GRM8: variants seen among roughly 807,000 people sequenced by gnomAD.
The protein encoded by GRM8 is metabotropic glutamate receptor 8.
GRM8 carries 47 observed loss-of-function variants against 87.2 expected under a neutral mutation model. The observed-to-expected ratio is 0.54, with a 90% CI of 0.43 to 0.69. GRM8 has a LOEUF of 0.69. GRM8 is among the 30% of genes least tolerant of loss of function. The pLI is 0.00. For synonymous variants in GRM8, 396 were observed against 404.5 expected (o/e 0.98, Z 0.25); for missense variants, 1,019 against 1,139.2 (o/e 0.89, Z 1.52).
chr7:126,621,770 T>A (rs1800205080), intron 7 of GRM8, among the ~76,000 whole-genome samples: 1 of 152,028 alleles, frequency 6.6e-6, no homozygotes, highest in Admixed American at 6.6e-5. Flanking sequence ...ACACATACTA[T>A]CATAGTCACT....
chr7:127,018,244 G>C (rs1200486296), intron 3 of GRM8, among the ~76,000 whole-genome samples: 1 of 151,942 alleles, frequency 6.6e-6, no homozygotes, highest in Non-Finnish European at 1.5e-5. Context: ...GAGTGTTAGA[G>C]AAAGTTACAC....
chr7:126,740,740 C>T (rs74827838), intron 7 of GRM8, among the ~76,000 whole-genome samples: 2 of 152,248 alleles, frequency 1.3e-5, no homozygotes, highest in East Asian at 3.9e-4. Flanking sequence ...CCTCTTTCCA[C>T]AGGTGGTTTT....
At chr7:126,739,712 A>C (rs1393317823) in intron 7 of GRM8, among the ~76,000 whole-genome samples, 1 of 136,046 alleles carries the variant, frequency 7.4e-6, no homozygotes, top group Non-Finnish European at 1.7e-5. Context: ...TATAACTCTG[A>C]TTTAACATCA....
rs549007927 is a variant in GRM8, at chr7:127,108,910, C to A, written c.511-2198G>T. 2.0e-5 allele frequency among the ~76,000 whole-genome samples: 3 copies of A among 152,218 alleles called. No homozygotes were observed. In the South Asian group the frequency reaches 6.2e-4, roughly 32 times the overall value. Reference sequence around the variant, plus strand: ...TTTGTATTTTTATTTTTTCACTCTACAATAATACACATCAGGGTATATGAA... The same window carrying A: ...TTTGTATTTTTATTTTTTCACTCTAAAATAATACACATCAGGGTATATGAA... On this transcript the variant is annotated intron_variant, in intron 2 of 10. Transcript: ENST00000339582.
intron 8 of GRM8, among the ~76,000 whole-genome samples, chr7:126,557,205 A>G (rs1793237069): frequency 6.6e-6 from 1 of 152,228 alleles, no homozygotes; most frequent in African/African-American, 2.4e-5. Flanking sequence ...TCAATAGAGT[A>G]TATTTAAGAA....
intron 6 of GRM8, among the ~76,000 whole-genome samples, chr7:126,887,759 C>T (rs1441119064): frequency 2.0e-5 from 3 of 152,122 alleles, no homozygotes; most frequent in Non-Finnish European, 2.9e-5. Context: ...TCCAGGGGAA[C>T]GTGTGAGTCA....
chr7:126,469,080 T>C (rs1804844795), intron 9 of GRM8, among the ~76,000 whole-genome samples: 1 of 152,102 alleles, frequency 6.6e-6, no homozygotes, highest in Admixed American at 6.6e-5. Context: ...CAACACCCAC[T>C]TGTGCATAAG....
intron 2 of GRM8, among the ~76,000 whole-genome samples, chr7:127,204,674 A>G (rs1429470161): frequency 2.0e-5 from 3 of 150,476 alleles, no homozygotes; most frequent in African/African-American, 7.4e-5. Flanking sequence ...TTTTTTTTTT[A>G]TAACATATCA....
chr7:126,580,328 A>G (rs1243868505), intron 8 of GRM8, among the ~76,000 whole-genome samples: 2 of 152,166 alleles, frequency 1.3e-5, no homozygotes, highest in East Asian at 1.9e-4. Flanking sequence ...TGAAAATTCC[A>G]AGACTCCCTC....
intron 6 of GRM8, among the ~76,000 whole-genome samples, chr7:126,900,658 C>T (rs896615076): frequency 3.4e-5 from 2 of 58,416 alleles, no homozygotes; most frequent in African/African-American, 1.0e-4. Context: ...TACAGGCGCC[C>T]GCCACACGCC....
rs1332861271 is a variant in GRM8, at chr7:127,242,873, T to C, written c.332A>G (p.Tyr111Cys). 5.6e-6 allele frequency: 9 copies of C among 1,614,102 alleles called. No individual in the cohort carries two copies. The highest frequency in any genetic ancestry group is 7.6e-6 in the Non-Finnish European group (9 of 1,179,976). The change falls in exon 2 of 11, where the codon TAT becomes TGT. Residue 111 changes from tyrosine (Y) to cysteine (C), a missense_variant. Tyr to Cys is a radical substitution (Grantham distance 194, BLOSUM62 -2). Transcript: ENST00000339582. ...GAATGTTAGAGACTGCTCCAAAGCA[T>C]AGGTGTCCCTAGAGCACGTGTCGAG... ...RILDTCSRDT[Y>C]ALEQSLTFVQ... is the part of the protein sequence containing the mutation.
intron 6 of GRM8, among the ~76,000 whole-genome samples, chr7:126,805,932 G>A (rs992490207): frequency 6.6e-6 from 1 of 152,140 alleles, no homozygotes; most frequent in Non-Finnish European, 1.5e-5. Context: ...TTTGCTGTGA[G>A]TCACCAACAA....
chr7:127,115,658 T>C (rs548527759), intron 2 of GRM8, among the ~76,000 whole-genome samples: 2 of 152,328 alleles, frequency 1.3e-5, no homozygotes, highest in East Asian at 3.9e-4. Flanking sequence ...AATAAACCTT[T>C]TTTTTTTACA....
chr7:126,441,588 A>G (rs940920762), intron 10 of GRM8, among the ~76,000 whole-genome samples: 2 of 152,114 alleles, frequency 1.3e-5, no homozygotes, highest in East Asian at 3.9e-4. Flanking sequence ...GTGTTTCAAT[A>G]TATGAATCCA....
intron 3 of GRM8, among the ~76,000 whole-genome samples, chr7:126,910,275 A>G (rs1314420277): frequency 6.6e-6 from 1 of 152,122 alleles, no homozygotes; most frequent in Non-Finnish European, 1.5e-5. Context: ...TTTTAATTTT[A>G]CTTTTTTTTG....
chr7:127,067,832 T>C (rs978287849), intron 3 of GRM8, among the ~76,000 whole-genome samples: 7 of 152,206 alleles, frequency 4.6e-5, no homozygotes, highest in African/African-American at 1.7e-4. Flanking sequence ...ATTTTCATCT[T>C]ATTATTATTA....
Position 126,446,351 on chromosome 7 carries a change from GTGT to G in GRM8, c.2449_2451del (p.Thr817del). The G allele has an allele frequency of 1.2e-6, 2 of 1,606,148 alleles. No individual in the cohort carries two copies. Among genetic ancestry groups the G allele is most frequent in the Non-Finnish European group, 1.7e-6 (2 of 1,174,186 alleles). On this transcript the variant is annotated inframe_deletion, in exon 10 of 11. Coordinates refer to ENST00000339582, the MANE Select transcript of GRM8 (RefSeq NM_000845.3). The stretch of plus-strand genomic sequence containing the variant: ...GCACTTAAACTCATGGAGACAGTAA[GTGT>G]TGTTGTCTGGATGTACATCTGAGGG...
intron 3 of GRM8, among the ~76,000 whole-genome samples, chr7:126,927,785 C>T (rs1805298943): frequency 6.6e-6 from 1 of 152,144 alleles, no homozygotes; most frequent in African/African-American, 2.4e-5. Flanking sequence ...TAAACTAGTT[C>T]AAACATTGTG....
intron 3 of GRM8, among the ~76,000 whole-genome samples, chr7:127,015,732 G>A (rs1017736712): frequency 1.3e-5 from 2 of 151,994 alleles, no homozygotes; most frequent in Non-Finnish European, 2.9e-5. Flanking sequence ...CACCAGGACT[G>A]GTTGTTACTC....
Sources: allele counts gnomAD v4.1 joint callset (sites outside exome capture counted in the v4.1 genomes callset), GRCh38; gene constraint gnomAD v4.1.1; transcripts MANE v1.5; gene names NCBI Gene and HGNC (gene_info 2026-07-23, HGNC 2026-07-21).